TMEM245: variants seen among roughly 807,000 people sequenced by gnomAD.
TMEM245 encodes the protein protein CG-2.
TMEM245 carries 69 observed loss-of-function variants against 101.2 expected under a neutral mutation model. The observed-to-expected ratio is 0.68, with a 90% CI of 0.56 to 0.83. The LOEUF (loss-of-function observed/expected upper bound fraction) is 0.83, where lower values mean the gene tolerates loss of function less well. Ranked by LOEUF, TMEM245 falls within the 40% of genes least tolerant of loss-of-function variation. The probability of loss-of-function intolerance (pLI) is 0.00; values close to 1 mark genes in which losing one functional copy is unlikely to be tolerated. For missense variants in TMEM245, 1,075 were observed against 1,092.8 expected (o/e 0.98, Z 0.23); for synonymous variants, 537 against 449.8 (o/e 1.19, Z -2.45).
At chr9:109,070,698 A>G (rs1829305874) in intron 9 of TMEM245, among the ~76,000 whole-genome samples, 1 of 152,182 alleles carries the variant, frequency 6.6e-6, no homozygotes, top group South Asian at 2.1e-4. Flanking sequence ...AATAATAAAC[A>G]TATCTATCAC....
intron 9 of TMEM245, among the ~76,000 whole-genome samples, chr9:109,072,187 T>C (rs1206443670): frequency 6.6e-6 from 1 of 152,204 alleles, no homozygotes; most frequent in South Asian, 2.1e-4. Context: ...ATTGCCATCA[T>C]GTTCCCATAC....
intron 7 of TMEM245, among the ~76,000 whole-genome samples, chr9:109,083,275 G>A (rs924637830): frequency 1.3e-5 from 2 of 152,150 alleles, no homozygotes; most frequent in Non-Finnish European, 2.9e-5. Flanking sequence ...GGAGAGATAG[G>A]AAGAGAAACA....
chr9:109,064,633 G>A, intron 9 of TMEM245, 66 bp from the exon 10 acceptor site: 1 of 1,330,594 alleles, frequency 7.5e-7, no homozygotes, highest in Non-Finnish European at 1.1e-6. Context: ...ATAATGCTTT[G>A]AACTTGATAT....
chr9:109,034,245 T>C (rs1828054031), intron 16 of TMEM245, among the ~76,000 whole-genome samples: 1 of 152,204 alleles, frequency 6.6e-6, no homozygotes, highest in South Asian at 2.1e-4. Context: ...AACAATTCAG[T>C]GAGGGGCAAA....
rs759248974 is a variant in TMEM245, at chr9:109,033,317, G to A, written c.2584C>T (p.Gln862Ter). 19 of 1,609,034 alleles carry A rather than the reference G, an allele frequency of 1.2e-5. No homozygotes were observed. The highest frequency in any genetic ancestry group is 2.2e-5 in the East Asian group (1 of 44,848). ...PTPNQTPWPA[Q>*]PQRTFRDISE... ...TCTGCTTTAACTCACCGCTGAGGCT[G>A]AGCAGGCCATGGGGTCTGGTTTGGC... The change falls in exon 17 of 18, where the codon CAG (glutamine) becomes TAG (stop). Residue 862 changes from glutamine to a stop codon, truncating the protein, a stop_gained. Coordinates refer to ENST00000374586, the MANE Select transcript of TMEM245 (RefSeq NM_032012.4). LOFTEE classifies it high-confidence loss of function.
intron 11 of TMEM245, among the ~76,000 whole-genome samples, chr9:109,059,213 AT>A (rs1828935732): frequency 1.3e-5 from 2 of 152,118 alleles, no homozygotes; most frequent in African/African-American, 4.8e-5. Context: ...TTCCCTGAAT[AT>A]TTTTTCCCAA....
At position 109,115,211 on chromosome 9, in the gene TMEM245, G is replaced by A. The variant is rs140028047; in HGVS notation, c.579+4124C>T. On this transcript the variant is annotated intron_variant, in intron 1 of 17. Transcript: ENST00000374586. ...AAAATAACACAAAAATTAGCCGGGC[G>A]TGGTGGGTGCCTGTAATCCCAGCTA... is the stretch of plus-strand genomic sequence containing the variant. 3.7e-4 allele frequency among the ~76,000 whole-genome samples: 57 copies of A among 152,204 alleles called. 1 individual carries two copies. The highest frequency in any genetic ancestry group is 2.5e-3 in the East Asian group (13 of 5,154).
At chr9:109,053,398 G>A (rs1337549910) in intron 12 of TMEM245, among the ~76,000 whole-genome samples, 1 of 152,110 alleles carries the variant, frequency 6.6e-6, no homozygotes, top group African/African-American at 2.4e-5. Flanking sequence ...CTGTACTCCA[G>A]ACTGGATGAC....
At chr9:109,073,863 T>G (rs553548605) in intron 8 of TMEM245, among the ~76,000 whole-genome samples, 5 of 148,452 alleles carry the variant, frequency 3.4e-5, no homozygotes, top group South Asian at 2.1e-4. Flanking sequence ...TTTGTTTTTT[T>G]TTTTTTTTTT....
chr9:109,067,430 T>C (rs1475604431), intron 9 of TMEM245, among the ~76,000 whole-genome samples: 1 of 152,142 alleles, frequency 6.6e-6, no homozygotes, highest in Non-Finnish European at 1.5e-5. Context: ...CAGAAACCAA[T>C]GCCCTACAGT....
chr9:109,068,713 A>G (rs1016510202), intron 9 of TMEM245, among the ~76,000 whole-genome samples: 3 of 152,198 alleles, frequency 2.0e-5, no homozygotes, highest in African/African-American at 7.2e-5. Context: ...TGATACCTAC[A>G]ACATCTTGGA....
chr9:109,048,154 G>A (rs1564178363), intron 14 of TMEM245, among the ~76,000 whole-genome samples: 1 of 152,086 alleles, frequency 6.6e-6, no homozygotes. Context: ...GCCCCTGTGT[G>A]GATACCTGAG....
At chr9:109,097,335 A>T (rs1588072555) in intron 3 of TMEM245, among the ~76,000 whole-genome samples, 1 of 152,350 alleles carries the variant, frequency 6.6e-6, no homozygotes, top group East Asian at 1.9e-4. Context: ...GAAGTTCAAT[A>T]AGACCGGAAG....
intron 5 of TMEM245, 141 bp downstream of exon 5, chr9:109,090,781 G>A: frequency 1.5e-6 from 1 of 685,794 alleles, no homozygotes; most frequent in Non-Finnish European, 2.4e-6. Context: ...AATGGTGTTT[G>A]TTTACTATTT....
At position 109,064,572 on chromosome 9, in the gene TMEM245, T is replaced by C. The variant is rs1189131046; in HGVS notation, c.1533-5A>G. The C allele has an allele frequency of 1.9e-6, 3 of 1,610,314 alleles. No homozygotes were observed. The highest frequency in any genetic ancestry group is 3.4e-5 in the Admixed American group (2 of 58,782). On this transcript the variant is annotated splice_polypyrimidine_tract_variant and splice_region_variant and intron_variant, in intron 9 of 17. Transcript: ENST00000374586. ...ACCTGAGCCTCAGGAAGCCAACTAA[T>C]GTAAAACAAAGAAAAAAATGAAAAA...
At position 109,018,174 on chromosome 9, in the gene TMEM245, T is replaced by C. The variant is rs895771700; in HGVS notation, c.*2286A>G. ...TACAGCTAAAATCACTTTGTATATGTATAGTAACTCATTGTATATATTTGT... is the reference window on the plus strand; with the variant it reads ...TACAGCTAAAATCACTTTGTATATGCATAGTAACTCATTGTATATATTTGT... On this transcript the variant is annotated 3_prime_UTR_variant, in exon 18 of 18. Coordinates refer to ENST00000374586, the MANE Select transcript of TMEM245 (RefSeq NM_032012.4). The C allele has an allele frequency of 2.6e-5, 4 of 152,260 alleles. No individual in the cohort carries two copies. The highest frequency in any genetic ancestry group is 5.9e-5 in the Non-Finnish European group (4 of 68,044). 9.4% of individuals were successfully genotyped at this position (152,260 alleles called of 1,614,324 possible).
intron 8 of TMEM245, among the ~76,000 whole-genome samples, chr9:109,077,956 GCTTT>G (rs1476137531): frequency 1.3e-5 from 2 of 152,122 alleles, no homozygotes; most frequent in African/African-American, 4.8e-5. Context: ...TTTGCTACTA[GCTTT>G]CTATTTGTCC....
At chr9:109,076,823 T>C (rs1340127490) in intron 8 of TMEM245, among the ~76,000 whole-genome samples, 1 of 152,132 alleles carries the variant, frequency 6.6e-6, no homozygotes, top group Non-Finnish European at 1.5e-5. Flanking sequence ...CCTAAGTAGC[T>C]GGGACTACAG....
Position 109,020,527 on chromosome 9 carries a change from T to C in TMEM245, c.2595-22A>G, listed in dbSNP as rs964343830. 10 of 1,603,366 alleles carry C rather than the reference T, an allele frequency of 6.2e-6. No homozygotes were observed. The African/African-American group carries it at 1.3e-4, about 21-fold the overall frequency. On this transcript the variant is annotated intron_variant, in intron 17 of 17. Coordinates refer to ENST00000374586, the MANE Select transcript of TMEM245 (RefSeq NM_032012.4). ...AGTCCTAAAAGAAAAAAAGACGGAA[T>C]GATTAGTTGATTACCATAAAACAGT...
Sources: allele counts gnomAD v4.1 joint callset (sites outside exome capture counted in the v4.1 genomes callset), GRCh38; gene constraint gnomAD v4.1.1; transcripts MANE v1.5; gene names NCBI Gene and HGNC (gene_info 2026-07-23, HGNC 2026-07-21).